Variants in NXN observed in about 807,000 individuals in gnomAD.
The protein encoded by NXN is nucleoredoxin 1.
NXN carries 16 observed loss-of-function variants against 48.6 expected under a neutral mutation model. The observed-to-expected ratio is 0.33, with a 90% CI of 0.22 to 0.50. The LOEUF (loss-of-function observed/expected upper bound fraction) is 0.50. Among genes scored for constraint, NXN ranks in the 20% least tolerant of loss-of-function variants. NXN has a pLI of 0.98. For synonymous variants in NXN, 281 were observed against 269.6 expected, an observed-to-expected ratio of 1.04 and a Z score of -0.41; for missense variants, 492 against 605.5, an observed-to-expected ratio of 0.81 and a Z score of 1.97.
chr17:919,573 G>C lies in NXN; in HGVS notation c.360+59746C>G, dbSNP rs2068724442. ...AAACGGCTTTCTACAGCACCTCCTC[G>C]TATCGTGGGTTACAGAACCTACGTC... is the stretch of plus-strand genomic sequence containing the variant. On this transcript the variant is annotated intron_variant, in intron 1 of 7. Coordinates refer to ENST00000336868, the MANE Select transcript of NXN (RefSeq NM_022463.5). The surrounding 1 kb of genome is among the most constrained non-coding windows in gnomAD (Gnocchi z 5.1). 6.6e-6 allele frequency among the ~76,000 whole-genome samples: 1 copy of C among 152,046 alleles called. No homozygotes were observed.
chr17:900,569 G>T (rs1597225801), intron 1 of NXN, among the ~76,000 whole-genome samples: 1 of 152,190 alleles, frequency 6.6e-6, no homozygotes. Context: ...GGGTGGGAAG[G>T]GAGGGTGGTG....
intron 1 of NXN, among the ~76,000 whole-genome samples, chr17:875,142 G>A (rs1453612040): frequency 6.6e-6 from 1 of 151,240 alleles, no homozygotes; most frequent in Non-Finnish European, 1.5e-5. Context: ...AGTGATTCTT[G>A]TGCCTCGGCC....
intron 1 of NXN, among the ~76,000 whole-genome samples, chr17:827,520 G>A (rs1409565326): frequency 6.6e-6 from 1 of 152,224 alleles, no homozygotes; most frequent in Non-Finnish European, 1.5e-5. Flanking sequence ...CTACTCGGGA[G>A]GCTGAGGCAG....
intron 1 of NXN, among the ~76,000 whole-genome samples, chr17:902,673 A>C (rs557555968): frequency 1.2e-3 from 180 of 152,002 alleles, no homozygotes; most frequent in African/African-American, 4.1e-3. Flanking sequence ...GCACCACGAC[A>C]GCCCCTCCCA....
At chr17:900,147 C>G (rs1247123185) in intron 1 of NXN, among the ~76,000 whole-genome samples, 3 of 152,024 alleles carry the variant, frequency 2.0e-5, no homozygotes, top group Admixed American at 2.0e-4. Context: ...TGCCTGAAAT[C>G]CCAGCTACTT....
chr17:817,343 T>C (rs1020212384), intron 5 of NXN, among the ~76,000 whole-genome samples: 1 of 152,164 alleles, frequency 6.6e-6, no homozygotes, highest in East Asian at 1.9e-4. Flanking sequence ...CAAACCCATA[T>C]ATGTATTCTA....
intron 5 of NXN, among the ~76,000 whole-genome samples, chr17:813,706 C>A (rs371885505): frequency 1.3e-5 from 2 of 151,220 alleles, no homozygotes; most frequent in African/African-American, 4.9e-5. Flanking sequence ...CGGTGGCTCA[C>A]GCCTGTAATC....
chr17:925,232 C>T (rs188111151), intron 1 of NXN, among the ~76,000 whole-genome samples: 2 of 152,062 alleles, frequency 1.3e-5, no homozygotes, highest in East Asian at 3.9e-4. Flanking sequence ...GGAAAGCAAA[C>T]CTAGGAATAC....
intron 1 of NXN, among the ~76,000 whole-genome samples, chr17:900,717 A>G (rs765247939): frequency 3.3e-5 from 5 of 152,160 alleles, no homozygotes; most frequent in Non-Finnish European, 7.3e-5. Flanking sequence ...CTCAAAAGCT[A>G]ACGTCTACAG....
intron 1 of NXN, among the ~76,000 whole-genome samples, chr17:948,342 A>G (rs1001006758): frequency 1.6e-4 from 24 of 152,184 alleles, no homozygotes. Context: ...CAATAAAGAA[A>G]GAAAACAAAG....
chr17:836,057 G>A (rs368095577), intron 1 of NXN, among the ~76,000 whole-genome samples: 7 of 63,798 alleles, frequency 1.1e-4, no homozygotes, highest in East Asian at 4.7e-4. Context: ...GGTGGGATTC[G>A]TCAGCCCCCA....
chr17:950,379 G>C (rs1269876159), intron 1 of NXN, among the ~76,000 whole-genome samples: 1 of 152,156 alleles, frequency 6.6e-6, no homozygotes, highest in Admixed American at 6.6e-5. Flanking sequence ...ATCCCAACGA[G>C]AAAGGATCCG....
At chr17:971,724 AAGTC>A (rs1350256417) in intron 1 of NXN, among the ~76,000 whole-genome samples, 1 of 152,060 alleles carries the variant, frequency 6.6e-6, no homozygotes, top group Non-Finnish European at 1.5e-5. Flanking sequence ...AAAAAAAAGA[AAGTC>A]AGGATTCACA....
At chr17:850,935 T>C (rs1024930389) in intron 1 of NXN, among the ~76,000 whole-genome samples, 1 of 152,140 alleles carries the variant, frequency 6.6e-6, no homozygotes, top group Non-Finnish European at 1.5e-5. Context: ...AGACTTGACC[T>C]TCTCCTCCAG....
At chr17:899,716 G>T (rs549893964) in intron 1 of NXN, among the ~76,000 whole-genome samples, 1 of 152,210 alleles carries the variant, frequency 6.6e-6, no homozygotes, top group South Asian at 2.1e-4. Flanking sequence ...CTGCAGGGAG[G>T]GTCTTGCCCA....
At chr17:836,963 C>CTATTATTATTATTAT (rs5818770) in intron 1 of NXN, among the ~76,000 whole-genome samples, 6,256 of 144,812 alleles carry the variant, frequency 0.043, 194 homozygotes, top group East Asian at 0.15. Flanking sequence ...AGCTTAGTTG[C>CTATTATTATTATTAT]TATTATTATT....
intron 1 of NXN, among the ~76,000 whole-genome samples, chr17:884,719 C>G (rs1240984228): frequency 6.6e-6 from 1 of 152,154 alleles, no homozygotes; most frequent in Admixed American, 6.5e-5. Flanking sequence ...GTCTTGAATC[C>G]AAACGTTCAG....
chr17:900,986 T>A (rs976380925), intron 1 of NXN, among the ~76,000 whole-genome samples: 6 of 147,652 alleles, frequency 4.1e-5, no homozygotes, highest in Non-Finnish European at 4.4e-5. Context: ...AATGGCACGA[T>A]CTTGGTTCAT....
chr17:968,799 T>A (rs1200422793), intron 1 of NXN, among the ~76,000 whole-genome samples: 1 of 152,012 alleles, frequency 6.6e-6, no homozygotes. Flanking sequence ...GAGCCAGGCG[T>A]GGTGGCGGGC....
Sources: gnomAD v4.1 joint callset for allele counts (sites outside exome capture counted in the v4.1 genomes callset) on GRCh38, gnomAD v4.1.1 for gene constraint, Gnocchi (gnomAD v3.1) non-coding constraint, MANE v1.5 for transcripts, NCBI Gene and HGNC (gene_info 2026-07-23, HGNC 2026-07-21) for gene names.